Variants in SCFD2 observed in about 807,000 individuals in gnomAD.
The protein encoded by SCFD2 is sec1 family domain-containing protein 2.
In SCFD2, 54 loss-of-function variants were observed where a neutral mutation model predicts 58.9. The ratio of observed to expected loss-of-function variants is 0.92; its 90% CI spans 0.74 to 1.15. SCFD2 has a LOEUF of 1.15. Ranked by LOEUF, SCFD2 falls within the 50% of genes most tolerant of loss-of-function variation. The pLI is 0.00. For missense variants in SCFD2, 805 were observed against 836.6 expected, an observed-to-expected ratio of 0.96 and a Z score of 0.47; for synonymous variants, 321 against 335.9, an observed-to-expected ratio of 0.96 and a Z score of 0.49.
At chr4:52,952,438 T>C (rs983436497) in intron 5 of SCFD2, among the ~76,000 whole-genome samples, 9 of 152,062 alleles carry the variant, frequency 5.9e-5, no homozygotes, top group Middle Eastern at 3.2e-3. Flanking sequence ...AGCTTCAGAC[T>C]TGGCACCTTA....
At chr4:53,240,344 G>A (rs891905941) in intron 4 of SCFD2, among the ~76,000 whole-genome samples, 2 of 152,148 alleles carry the variant, frequency 1.3e-5, no homozygotes, top group African/African-American at 2.4e-5. Context: ...ATTTCAGGAT[G>A]TACCCAAATT....
At chr4:53,194,666 A>C (rs952610626) in intron 4 of SCFD2, among the ~76,000 whole-genome samples, 1 of 152,150 alleles carries the variant, frequency 6.6e-6, no homozygotes, top group African/African-American at 2.4e-5. Context: ...AATGATTTGA[A>C]GGAAATCATA....
At chr4:53,125,794 C>G (rs1292302929) in intron 5 of SCFD2, among the ~76,000 whole-genome samples, 1 of 152,168 alleles carries the variant, frequency 6.6e-6, no homozygotes, top group Admixed American at 6.5e-5. Flanking sequence ...GTCTGACTGG[C>G]AGGGTTTAGG....
chr4:53,283,429 T>G (rs1381487317), intron 3 of SCFD2, among the ~76,000 whole-genome samples: 2 of 152,332 alleles, frequency 1.3e-5, no homozygotes, highest in East Asian at 3.9e-4. Flanking sequence ...TTCTAAGACA[T>G]GCCTTTCAGT....
At chr4:53,244,892 C>A (rs1730018026) in intron 4 of SCFD2, among the ~76,000 whole-genome samples, 1 of 144,946 alleles carries the variant, frequency 6.9e-6, no homozygotes, top group South Asian at 2.2e-4. Context: ...AGAGAAGATT[C>A]AAATATACAC....
At position 53,365,257 on chromosome 4, in the gene SCFD2, G is replaced by A; in HGVS notation, c.685C>T (p.His229Tyr). Residue 229 changes from histidine to tyrosine, a missense_variant, in exon 1 of 9, where the codon CAT (histidine) becomes TAT (tyrosine). Around this residue, in one of 3 missense-constraint regions of SCFD2, gnomAD observed 633 missense variants for 646.8 expected, o/e 0.98. Transcript: ENST00000401642. This position sits in a 1 kb window ranked among gnomAD's most constrained non-coding sequence, Gnocchi z 4.3. Reference protein sequence around the residue: ...LVSGLSSLCEHLGVREECFAV... With the variant: ...LVSGLSSLCEYLGVREECFAV... ...AAACACTCCTCCCGTACTCCTAAAT[G>A]TTCACACAGAGAACTGAGGCCTGAC... The A allele has an allele frequency of 6.2e-7, 1 of 1,614,212 alleles. No homozygotes were observed. Among genetic ancestry groups the A allele is most frequent in the Non-Finnish European group, 8.5e-7 (1 of 1,180,034 alleles).
At chr4:53,007,333 A>AGAGAGAGAGAGAGAGG (rs1721994612) in intron 5 of SCFD2, among the ~76,000 whole-genome samples, 1 of 125,518 alleles carries the variant, frequency 8.0e-6, no homozygotes, top group Non-Finnish European at 1.7e-5. Flanking sequence ...AGAGAGAGAG[A>AGAGAGAGAGAGAGAGG]GGGAGAGAGA....
chr4:52,979,946 C>T (rs748840433), intron 5 of SCFD2, among the ~76,000 whole-genome samples: 1 of 152,082 alleles, frequency 6.6e-6, no homozygotes, highest in Non-Finnish European at 1.5e-5. Context: ...TTTAGGTTCT[C>T]ATCACCTCTG....
intron 4 of SCFD2, among the ~76,000 whole-genome samples, chr4:53,260,458 T>C (rs772071361): frequency 6.6e-6 from 1 of 152,140 alleles, no homozygotes; most frequent in East Asian, 1.9e-4. Flanking sequence ...ATTTTGTCCA[T>C]TGCTTTTTCT....
At position 53,195,147 on chromosome 4, in the gene SCFD2, C is replaced by T. The variant is rs1416451571; in HGVS notation, c.1312-49565G>A. On this transcript the variant is annotated intron_variant, in intron 4 of 8. Transcript: ENST00000401642. ...GTGTGACTTGAGCATGTTACTCAAG[C>T]CTCTGTATCCCAGCTTCGTCAATTT... Among the ~76,000 whole-genome samples the T allele has an allele frequency of 1.1e-4, 16 of 152,204 alleles. 1 individual carries two copies. Among genetic ancestry groups the T allele is most frequent in the Admixed American group, 7.9e-4 (12 of 15,278 alleles).
chr4:53,260,181 G>C (rs1730787627), intron 4 of SCFD2, among the ~76,000 whole-genome samples: 3 of 152,030 alleles, frequency 2.0e-5, no homozygotes, highest in South Asian at 2.1e-4. Context: ...CAAACAACAA[G>C]AGTTCAACTT....
At chr4:52,979,819 C>T (rs1172742242) in intron 5 of SCFD2, among the ~76,000 whole-genome samples, 1 of 152,178 alleles carries the variant, frequency 6.6e-6, no homozygotes, top group East Asian at 1.9e-4. Context: ...TATTTCCCCT[C>T]TGCACACCTA....
intron 2 of SCFD2, among the ~76,000 whole-genome samples, chr4:53,341,608 G>A (rs532620989): frequency 2.1e-3 from 325 of 152,012 alleles, no homozygotes; most frequent in African/African-American, 7.3e-3. Context: ...TACAGAAAAC[G>A]CCACAAAGAC....
At chr4:52,989,330 CCACTATG>C (rs1721567890) in intron 5 of SCFD2, among the ~76,000 whole-genome samples, 1 of 152,174 alleles carries the variant, frequency 6.6e-6, no homozygotes, top group South Asian at 2.1e-4. Flanking sequence ...GACCAACATG[CCACTATG>C]GATAAAGCAT....
At chr4:53,161,326 T>C (rs989975288) in intron 4 of SCFD2, among the ~76,000 whole-genome samples, 2 of 152,220 alleles carry the variant, frequency 1.3e-5, no homozygotes, top group African/African-American at 4.8e-5. Context: ...AAACCAGCCA[T>C]ATTTCCTGAG....
chr4:53,101,867 C>T (rs1217668811), intron 5 of SCFD2, among the ~76,000 whole-genome samples: 1 of 152,010 alleles, frequency 6.6e-6, no homozygotes, highest in East Asian at 1.9e-4. Context: ...AACCAATAAG[C>T]TTTTTCTCCC....
At chr4:52,981,671 AGG>A (rs1281000962) in intron 5 of SCFD2, among the ~76,000 whole-genome samples, 2 of 152,188 alleles carry the variant, frequency 1.3e-5, no homozygotes, top group African/African-American at 2.4e-5. Flanking sequence ...GCTTTCAGGC[AGG>A]GGCAACACCA....
chr4:52,881,867 T>C (rs1376513504), intron 8 of SCFD2, among the ~76,000 whole-genome samples: 1 of 152,130 alleles, frequency 6.6e-6, no homozygotes, highest in East Asian at 1.9e-4. Flanking sequence ...ATCCACTAAG[T>C]GGCAGACTCT....
chr4:52,996,586 G>A (rs1427725290), intron 5 of SCFD2, among the ~76,000 whole-genome samples: 1 of 152,202 alleles, frequency 6.6e-6, no homozygotes, highest in African/African-American at 2.4e-5. Flanking sequence ...TGGTGTTGTG[G>A]ATAAGCAGCT....
Sources: allele counts gnomAD v4.1 joint callset (sites outside exome capture counted in the v4.1 genomes callset), GRCh38; gene constraint gnomAD v4.1.1; regional missense constraint gnomAD v4.1.1; non-coding constraint Gnocchi (gnomAD v3.1); transcripts MANE v1.5; gene names NCBI Gene and HGNC (gene_info 2026-07-23, HGNC 2026-07-21).